The following ENAH variants were observed in gnomAD, a reference collection of about 807,000 sequenced individuals.
ENAH encodes the protein protein enabled homolog.
In ENAH, 23 loss-of-function variants were observed where a neutral mutation model predicts 78.7. The ratio of observed to expected loss-of-function variants is 0.29; its 90% CI spans 0.21 to 0.41. ENAH has a LOEUF of 0.41. Ranked by LOEUF, ENAH falls within the 10% of genes least tolerant of loss-of-function variation. The pLI is 1.00. For synonymous variants in ENAH, 226 were observed against 241.0 expected, an observed-to-expected ratio of 0.94 and a Z score of 0.58; for missense variants, 544 against 691.0, an observed-to-expected ratio of 0.79 and a Z score of 2.39.
At chr1:225,619,925 A>G (rs148177779) in intron 1 of ENAH, among the ~76,000 whole-genome samples, 300 of 152,348 alleles carry the variant, frequency 2.0e-3, no homozygotes, top group African/African-American at 6.9e-3. Context: ...AATTAAATGT[A>G]CCGGATTGAA....
intron 11 of ENAH, among the ~76,000 whole-genome samples, chr1:225,504,173 A>AT (rs199772268): frequency 0.043 from 6,484 of 151,052 alleles, 228 homozygotes; most frequent in South Asian, 0.11. Context: ...GGCCCAGCTA[A>AT]TTTTTTTTTA....
In ENAH at chr1:225,606,445, A is replaced by C. The variant is rs192801057; in HGVS notation, c.6-39031T>G. ...CTGCACTCCAGCCTGGGCAACACAG[A>C]GCAAGACTCCATCTCAAAAAAAAAA... On this transcript the variant is annotated intron_variant, in intron 1 of 13. Transcript: ENST00000366843. 1.3e-4 allele frequency among the ~76,000 whole-genome samples: 20 copies of C among 149,964 alleles called. No individual in the cohort carries two copies. In the East Asian group the frequency reaches 4.0e-3, roughly 30 times the overall value.
chr1:225,582,969 AAAG>A (rs913539104), intron 1 of ENAH, among the ~76,000 whole-genome samples: 5 of 152,240 alleles, frequency 3.3e-5, no homozygotes, highest in African/African-American at 1.2e-4. Context: ...AACTTTACAT[AAAG>A]AAGAACAATA....
At chr1:225,626,538 G>A (rs771476564) in intron 1 of ENAH, among the ~76,000 whole-genome samples, 5 of 152,166 alleles carry the variant, frequency 3.3e-5, no homozygotes, top group Non-Finnish European at 5.9e-5. Flanking sequence ...GCAACAAGGC[G>A]CCATCTATGA....
intron 1 of ENAH, among the ~76,000 whole-genome samples, chr1:225,589,102 GAA>G (rs949248385): frequency 6.6e-6 from 1 of 151,750 alleles, no homozygotes; most frequent in Non-Finnish European, 1.5e-5. Flanking sequence ...TCTGGAACAG[GAA>G]AAAAAAGCTA....
At chr1:225,628,469 AC>A (rs1476215216) in intron 1 of ENAH, among the ~76,000 whole-genome samples, 20 of 152,364 alleles carry the variant, frequency 1.3e-4, no homozygotes, top group African/African-American at 3.6e-4. Flanking sequence ...TAAGTAAATT[AC>A]AGTGAAATAT....
chr1:225,515,156 C>A, intron 6 of ENAH: 1 of 368,786 alleles, frequency 2.7e-6, no homozygotes. Flanking sequence ...CTAATTAAGA[C>A]TTTTTTTTTT....
intron 1 of ENAH, among the ~76,000 whole-genome samples, chr1:225,624,543 G>C (rs980017364): frequency 2.6e-5 from 4 of 152,126 alleles, no homozygotes; most frequent in Non-Finnish European, 5.9e-5. Context: ...AGAATCGCTT[G>C]AACCTGGGAG....
intron 1 of ENAH, among the ~76,000 whole-genome samples, chr1:225,594,326 C>A (rs2096892199): frequency 1.3e-5 from 2 of 152,166 alleles, no homozygotes; most frequent in African/African-American, 4.8e-5. Flanking sequence ...TCCTATCATT[C>A]CCACTGGGGC....
chr1:225,648,649 C>T (rs746011991), intron 1 of ENAH, among the ~76,000 whole-genome samples: 6 of 151,930 alleles, frequency 3.9e-5, no homozygotes, highest in Non-Finnish European at 7.4e-5. Context: ...CCAACAGCTA[C>T]GAGTATAAAT....
At chr1:225,594,458 T>A in intron 1 of ENAH, among the ~76,000 whole-genome samples, 1 of 152,174 alleles carries the variant, frequency 6.6e-6, no homozygotes, top group East Asian at 1.9e-4. Flanking sequence ...CCAGTTCACA[T>A]CCAAGTAGTC....
At chr1:225,631,766 C>A (rs1659119860) in intron 1 of ENAH, among the ~76,000 whole-genome samples, 2 of 152,168 alleles carry the variant, frequency 1.3e-5, no homozygotes, top group Non-Finnish European at 2.9e-5. Flanking sequence ...GACTACATTT[C>A]TTTTGAAAGC....
At position 225,494,716 on chromosome 1, in the gene ENAH, A is replaced by G. The variant is rs1418998520; in HGVS notation, c.*3059T>C. On this transcript the variant is annotated 3_prime_UTR_variant, in exon 14 of 14. Coordinates refer to ENST00000366843, the MANE Select transcript of ENAH (RefSeq NM_018212.6). ...CGTGACATGTAAACTTTTAAGTAGT[A>G]AAGTCTTGGACTTTAAAAGGTGTTT... 1 of 152,240 alleles carries G rather than the reference A, an allele frequency of 6.6e-6. No homozygotes were observed. The highest frequency in any genetic ancestry group is 1.5e-5 in the Non-Finnish European group (1 of 68,026). 9.4% of individuals were successfully genotyped at this position (152,240 alleles called of 1,614,324 possible).
chr1:225,630,487 A>C (rs1242277413), intron 1 of ENAH, among the ~76,000 whole-genome samples: 1 of 152,238 alleles, frequency 6.6e-6, no homozygotes, highest in Non-Finnish European at 1.5e-5. Flanking sequence ...GACAGTCTGG[A>C]CTAAGTTACT....
At position 225,493,851 on chromosome 1, in the gene ENAH, T is replaced by C. The variant is rs1473545614; in HGVS notation, c.*3924A>G. 1 of 152,126 alleles carries C rather than the reference T, an allele frequency of 6.6e-6. No individual in the cohort carries two copies. The highest frequency in any genetic ancestry group is 1.5e-5 in the Non-Finnish European group (1 of 67,986). The allele number at this position is 152,126 out of a possible 1,614,324, so 9.4% of individuals were successfully genotyped here. On this transcript the variant is annotated 3_prime_UTR_variant, in exon 14 of 14. Transcript: ENST00000366843. Reference sequence around the variant, plus strand: ...GCATACCTTTGCACACTGTGCTTCATAGGGTAATACTACTTAGAATTAAAA... The same window carrying C: ...GCATACCTTTGCACACTGTGCTTCACAGGGTAATACTACTTAGAATTAAAA...
intron 3 of ENAH, among the ~76,000 whole-genome samples, chr1:225,541,294 CG>C (rs1252363582): frequency 1.1e-4 from 3 of 26,294 alleles, no homozygotes; most frequent in African/African-American, 7.9e-4. Context: ...ATTAGCCAGG[CG>C]TTGGTGGCAT....
intron 4 of ENAH, among the ~76,000 whole-genome samples, chr1:225,527,502 A>C (rs2096514311): frequency 6.6e-6 from 1 of 152,212 alleles, no homozygotes; most frequent in Non-Finnish European, 1.5e-5. Context: ...AACCAGTACT[A>C]AGTGTCTATA....
In ENAH at chr1:225,488,234, G is replaced by A. The variant is rs1347544348; in HGVS notation, c.*9541C>T. The A allele has an allele frequency of 6.6e-6, 1 of 151,798 alleles. No individual in the cohort carries two copies. Among genetic ancestry groups the A allele is most frequent in the African/African-American group, 2.4e-5 (1 of 41,310 alleles). 9.4% of individuals were successfully genotyped at this position (151,798 alleles called of 1,614,324 possible). On this transcript the variant is annotated 3_prime_UTR_variant, in exon 14 of 14. Coordinates refer to ENST00000366843, the MANE Select transcript of ENAH (RefSeq NM_018212.6). ...AGGCCTCGCTATGTTGCCCAGGCTGGCCTCCAACTTTGGGCTCAAGTGATC... is the reference window on the plus strand; with the variant it reads ...AGGCCTCGCTATGTTGCCCAGGCTGACCTCCAACTTTGGGCTCAAGTGATC...
chr1:225,616,620 T>C lies in ENAH; in HGVS notation c.5+36066A>G, dbSNP rs1241591840. Among the ~76,000 whole-genome samples, 3 of 152,098 alleles carry C rather than the reference T, an allele frequency of 2.0e-5. 1 individual carries two copies. The highest frequency in any genetic ancestry group is 3.9e-4 in the East Asian group (2 of 5,192). On this transcript the variant is annotated intron_variant, in intron 1 of 13. Transcript: ENST00000366843. ...TATATAAAAATTGAAGATAAAATATTCTTCTAGGAAAAGATAAGCTAATTG... is the reference window on the plus strand; with the variant it reads ...TATATAAAAATTGAAGATAAAATATCCTTCTAGGAAAAGATAAGCTAATTG...
Sources: allele counts gnomAD v4.1 joint callset (sites outside exome capture counted in the v4.1 genomes callset), GRCh38; gene constraint gnomAD v4.1.1; transcripts MANE v1.5; gene names NCBI Gene and HGNC (gene_info 2026-07-23, HGNC 2026-07-21).